ATP4A: variants seen among roughly 807,000 people sequenced by gnomAD.
ATP4A encodes the protein ATPase H+/K+ transporting subunit alpha, also known as potassium-transporting ATPase alpha chain 1.
ATP4A carries 73 observed loss-of-function variants against 112.1 expected under a neutral mutation model. The observed-to-expected ratio is 0.65, with a 90% CI of 0.54 to 0.79. The LOEUF (loss-of-function observed/expected upper bound fraction) is 0.79. Among genes scored for constraint, ATP4A ranks in the 30% least tolerant of loss-of-function variants. The pLI, the probability that ATP4A is intolerant of heterozygous loss-of-function variation, is 0.00. For missense variants in ATP4A, 1,081 were observed against 1,425.9 expected (o/e 0.76, Z 3.90); for synonymous variants, 588 against 588.9 (o/e 1.00, Z 0.02).
rs904563816 is a variant in ATP4A, at chr19:35,555,516, C to T, written c.2081G>A (p.Arg694His). ...MDPSELVEALRTHPEMVFART... is the reference protein window; with the variant it reads ...MDPSELVEALHTHPEMVFART... ...CGCAAACACCATCTCGGGGTGGGTG[C>T]GCAGGGCCTCGACCAGTTCCGATGG... The change falls in exon 14 of 22, where the codon CGC becomes CAC. Residue 694 changes from arginine (R) to histidine (H), a missense_variant. Physicochemically the swap from Arg to His is conservative, Grantham distance 29. Coordinates refer to ENST00000262623, the MANE Select transcript of ATP4A (RefSeq NM_000704.3). The surrounding 1 kb of genome is among the most constrained non-coding windows in gnomAD (Gnocchi z 6.6). 14 of 1,605,594 alleles carry T rather than the reference C, an allele frequency of 8.7e-6. No individual in the cohort carries two copies. The highest frequency in any genetic ancestry group is 1.1e-5 in the South Asian group (1 of 89,922).
intron 3 of ATP4A, 58 bp from the exon 4 acceptor site, chr19:35,562,696 C>T (rs776283132): frequency 8.1e-6 from 12 of 1,484,228 alleles, no homozygotes; most frequent in South Asian, 5.0e-5. Flanking sequence ...ATGCACACCC[C>T]GTGGAAAGCC....
rs917915637 is a variant in ATP4A at position 35,559,709 on chromosome 19, TAGAC to T, written c.1056+92_1056+95del. Reference sequence around the variant, plus strand: ...AATGGATGGGAGCTAAGTGGACAGATAGACAGGCAGGGAGGTGATGGGGGAAATG... The same window carrying T: ...AATGGATGGGAGCTAAGTGGACAGATAGGCAGGGAGGTGATGGGGGAAATG... On this transcript the variant is annotated intron_variant, in intron 7 of 21. Coordinates refer to ENST00000262623, the MANE Select transcript of ATP4A (RefSeq NM_000704.3). This position sits in a 1 kb window ranked among gnomAD's most constrained non-coding sequence, Gnocchi z 4.1. The T allele has an allele frequency of 4.0e-5, 60 of 1,506,468 alleles. No individual in the cohort carries two copies. Among genetic ancestry groups the T allele is most frequent in the Non-Finnish European group, 4.8e-5 (54 of 1,120,230 alleles). The allele number at this position is 1,506,468 out of a possible 1,614,324, so 93.3% of individuals were successfully genotyped here.
rs779669641 is a variant in ATP4A, at chr19:35,560,908, CA to C, written c.444del (p.Ile148MetfsTer57). 2.5e-6 allele frequency: 4 copies of C among 1,613,898 alleles called. No individual in the cohort carries two copies. The highest frequency in any genetic ancestry group is 3.4e-6 in the Non-Finnish European group (4 of 1,179,932). On this transcript the variant is annotated frameshift_variant, in exon 5 of 22. Coordinates refer to ENST00000262623, the MANE Select transcript of ATP4A (RefSeq NM_000704.3). LOFTEE classifies it high-confidence loss of function. This position sits in a 1 kb window ranked among gnomAD's most constrained non-coding sequence, Gnocchi z 5.1. ...DDNLYLAIAL[I>X]AVVVVTGCFG... ...AAGCAGCCGGTGACGACAACCACAG[CA>C]ATGAGAGCGATTGCCAGGTACAGCT... is the stretch of plus-strand genomic sequence containing the variant.
In ATP4A at chr19:35,557,614, TC is replaced by T. The variant is rs1313247154; in HGVS notation, c.1693+40del. 1 of 1,563,356 alleles carries T rather than the reference TC, an allele frequency of 6.4e-7. No individual in the cohort carries two copies. Among genetic ancestry groups the T allele is most frequent in the East Asian group, 2.3e-5 (1 of 42,708 alleles). ...GGTGGGCAGGGTCTGTGCTAGCTCC[TC>T]CTCGCACCTGGAGTCTCCTCCCCTG... On this transcript the variant is annotated intron_variant, in intron 11 of 21. Transcript: ENST00000262623. This position sits in a 1 kb window ranked among gnomAD's most constrained non-coding sequence, Gnocchi z 4.4.
At position 35,558,460 on chromosome 19, in the gene ATP4A, G is replaced by A; in HGVS notation, c.1402C>T (p.Leu468Phe). Reference sequence around the variant, plus strand: ...CCCAGCGTCAGCTCCGAGAACTTGAGCAGCGCCGTCTCCGATGCGTCTCCA... The same window carrying A: ...CCCAGCGTCAGCTCCGAGAACTTGAACAGCGCCGTCTCCGATGCGTCTCCA... ...VIGDASETALLKFSELTLGNA... is the reference protein window; with the variant it reads ...VIGDASETALFKFSELTLGNA... Residue 468 changes from leucine to phenylalanine, a missense_variant, in exon 10 of 22, where the codon CTC becomes TTC. Coordinates refer to ENST00000262623, the MANE Select transcript of ATP4A (RefSeq NM_000704.3). This position sits in a 1 kb window ranked among gnomAD's most constrained non-coding sequence, Gnocchi z 5.1. 6.2e-7 allele frequency: 1 copy of A among 1,602,274 alleles called. No individual in the cohort carries two copies. The highest frequency in any genetic ancestry group is 1.1e-5 in the South Asian group (1 of 89,140).
In ATP4A at chr19:35,551,612, A is replaced by G; in HGVS notation, c.2752-32T>C. On this transcript the variant is annotated intron_variant, in intron 18 of 21. Transcript: ENST00000262623. The surrounding 1 kb of genome is among the most constrained non-coding windows in gnomAD (Gnocchi z 5.2). ...GCCAGGGGCAAACGGAAACAGCCTG[A>G]GTCCAGCCTGAGTCCCGGCGGAGAG... 1 of 1,602,562 alleles carries G rather than the reference A, an allele frequency of 6.2e-7. No homozygotes were observed. Among genetic ancestry groups the G allele is most frequent in the Non-Finnish European group, 8.5e-7 (1 of 1,174,416 alleles).
At position 35,554,807 on chromosome 19, in the gene ATP4A, C is replaced by G. The variant is rs538229314; in HGVS notation, c.2481+115G>C. 13 of 1,443,358 alleles carry G rather than the reference C, an allele frequency of 9.0e-6. No individual in the cohort carries two copies. In the South Asian group the frequency reaches 1.4e-4, roughly 16 times the overall value. 89.4% of individuals were successfully genotyped at this position (1,443,358 alleles called of 1,614,324 possible). A position where few individuals can be genotyped will look rare whatever the true frequency, so the allele number is the denominator to read the frequency against. On this transcript the variant is annotated intron_variant, in intron 16 of 21. Transcript: ENST00000262623. ...ACTGGCTGTCATTGCACACACAGGT[C>G]TTGTCTGTCACTCTGTGCCCAAGAG...
intron 4 of ATP4A, among the ~76,000 whole-genome samples, chr19:35,561,692 T>C (rs2071671698): frequency 6.6e-6 from 1 of 151,924 alleles, no homozygotes; most frequent in Admixed American, 6.6e-5. Context: ...TCTCTGTGCT[T>C]CTATGTCTCA....
Position 35,551,937 on chromosome 19 carries a change from G to A in ATP4A, c.2752-357C>T, listed in dbSNP as rs1568312882. Among the ~76,000 whole-genome samples the A allele has an allele frequency of 6.6e-6, 1 of 152,194 alleles. No individual in the cohort carries two copies. On this transcript the variant is annotated intron_variant, in intron 18 of 21. Transcript: ENST00000262623. The surrounding 1 kb of genome is among the most constrained non-coding windows in gnomAD (Gnocchi z 5.2). ...GATTTGCAAAGTCCAGTGACTCCAG[G>A]GGCCAGGCAGATGGCAAAAATAGGT...
Position 35,559,827 on chromosome 19 carries a change from T to C in ATP4A, c.1034A>G (p.Glu345Gly), listed in dbSNP as rs1372084548. 4 of 1,614,032 alleles carry C rather than the reference T, an allele frequency of 2.5e-6. 1 individual carries two copies. Among genetic ancestry groups the C allele is most frequent in the South Asian group, 2.2e-5 (2 of 91,080 alleles). ...CACTGTGACAGTGGCCAGCAGCCCC[T>C]CAGGCACATAGGCCACCACGATGGC... ...FMAIVVAYVP[E>G]GLLATVTVCL... is the part of the protein sequence containing the mutation. The change falls in exon 7 of 22, where the codon GAG becomes GGG. Residue 345 changes from glutamate (E) to glycine (G), a missense_variant. By Grantham distance (98) the Glu-to-Gly change is moderately conservative. Around this residue, in one of 3 missense-constraint regions of ATP4A, gnomAD observed 850 missense variants for 1,068.2 expected, o/e 0.80. Transcript: ENST00000262623. The surrounding 1 kb of genome is among the most constrained non-coding windows in gnomAD (Gnocchi z 4.1).
Position 35,560,728 on chromosome 19 carries a change from A to G in ATP4A, c.534+91T>C. On this transcript the variant is annotated intron_variant, in intron 5 of 21. Coordinates refer to ENST00000262623, the MANE Select transcript of ATP4A (RefSeq NM_000704.3). The surrounding 1 kb of genome is among the most constrained non-coding windows in gnomAD (Gnocchi z 5.1). Reference sequence around the variant, plus strand: ...GGACCCATGGGGAGAGATGGAGGCCACAGATGAGGGACAGGGGCCTGATGG... The same window carrying G: ...GGACCCATGGGGAGAGATGGAGGCCGCAGATGAGGGACAGGGGCCTGATGG... 1.9e-6 allele frequency: 3 copies of G among 1,576,160 alleles called. No individual in the cohort carries two copies. Among genetic ancestry groups the G allele is most frequent in the Non-Finnish European group, 2.6e-6 (3 of 1,147,148 alleles).
In ATP4A at chr19:35,551,480, C is replaced by T. The variant is rs1173475811; in HGVS notation, c.2852G>A (p.Arg951His). The T allele has an allele frequency of 1.1e-5, 17 of 1,613,996 alleles. No individual in the cohort carries two copies. The highest frequency in any genetic ancestry group is 1.4e-5 in the Non-Finnish European group (16 of 1,180,030). ...QIADVLIRKTRRLSAFQQGFF... is the reference protein window; with the variant it reads ...QIADVLIRKTHRLSAFQQGFF... ...GCCTTGCTGGAAGGCAGAGAGACGG[C>T]GCGTCTTGCGGATGAGGACATCGGC... is the stretch of plus-strand genomic sequence containing the variant. Residue 951 changes from arginine to histidine, a missense_variant, in exon 19 of 22, where the codon CGC (arginine) becomes CAC (histidine). Physicochemically the swap from Arg to His is conservative, Grantham distance 29. Coordinates refer to ENST00000262623, the MANE Select transcript of ATP4A (RefSeq NM_000704.3). This position sits in a 1 kb window ranked among gnomAD's most constrained non-coding sequence, Gnocchi z 5.2.
At position 35,551,541 on chromosome 19, in the gene ATP4A, T is replaced by C. The variant is rs758266158; in HGVS notation, c.2791A>G (p.Thr931Ala). ...ACCTCAATGCTGATGAAGAACACGGTGTAGCAGGTGTACTGCTGGTACAGG... is the reference window on the plus strand; with the variant it reads ...ACCTCAATGCTGATGAAGAACACGGCGTAGCAGGTGTACTGCTGGTACAGG... ...QRLYQQYTCYTVFFISIEVCQ... is the reference protein window; with the variant it reads ...QRLYQQYTCYAVFFISIEVCQ... The change falls in exon 19 of 22, where the codon ACC becomes GCC. Residue 931 changes from threonine to alanine, a missense_variant. Thr to Ala is a moderately conservative substitution (Grantham distance 58, BLOSUM62 0). Around this residue, in one of 3 missense-constraint regions of ATP4A, gnomAD observed 219 missense variants for 320.9 expected, o/e 0.68. Transcript: ENST00000262623. The surrounding 1 kb of genome is among the most constrained non-coding windows in gnomAD (Gnocchi z 5.2). The C allele has an allele frequency of 1.9e-6, 3 of 1,613,832 alleles. No homozygotes were observed. The highest frequency in any genetic ancestry group is 2.5e-6 in the Non-Finnish European group (3 of 1,179,882).
In ATP4A at chr19:35,560,395, T is replaced by C; in HGVS notation, c.755A>G (p.Asn252Ser). The change falls in exon 6 of 22, where the codon AAC becomes AGC. Residue 252 changes from asparagine (N) to serine (S), a missense_variant. Coordinates refer to ENST00000262623, the MANE Select transcript of ATP4A (RefSeq NM_000704.3). This position sits in a 1 kb window ranked among gnomAD's most constrained non-coding sequence, Gnocchi z 5.1. ...GCACATGGTGGAGAAGAAGGCGATG[T>C]TGCGGGTCTCCAGAGGGCTCTCGTG... is the stretch of plus-strand genomic sequence containing the variant. Reference protein sequence around the residue: ...CTHESPLETRNIAFFSTMCLE... With the variant: ...CTHESPLETRSIAFFSTMCLE... 2 of 1,613,998 alleles carry C rather than the reference T, an allele frequency of 1.2e-6. No homozygotes were observed. Among genetic ancestry groups the C allele is most frequent in the Non-Finnish European group, 1.7e-6 (2 of 1,179,976 alleles).
In ATP4A at chr19:35,551,155, G is replaced by C. The variant is rs201059478; in HGVS notation, c.2886-44C>G. 3.9e-6 allele frequency: 6 copies of C among 1,546,698 alleles called. No individual in the cohort carries two copies. The Admixed American group carries it at 5.7e-5, about 15-fold the overall frequency. ...GGACAGGCCATTAGGAATTGGGGAC[G>C]TGATGGAAATCAGGATACTGTGGGT... On this transcript the variant is annotated intron_variant, in intron 19 of 21. Coordinates refer to ENST00000262623, the MANE Select transcript of ATP4A (RefSeq NM_000704.3). This position sits in a 1 kb window ranked among gnomAD's most constrained non-coding sequence, Gnocchi z 5.2.
At chr19:35,556,776 C>T (rs938680105) in intron 12 of ATP4A, 137 bp downstream of exon 12, 3 of 1,060,456 alleles carry the variant, frequency 2.8e-6, no homozygotes, top group African/African-American at 3.2e-5. Context: ...CTTAATTCCC[C>T]AGAATTTTTC....
chr19:35,560,133 G>A lies in ATP4A; in HGVS notation c.788-60C>T, dbSNP rs914286280. ...GGGCGGCAGTGGGGTGTGCACTGCC[G>A]TGTGAGCTGAAGGACAGCCAGTCAC... On this transcript the variant is annotated intron_variant, in intron 6 of 21. Coordinates refer to ENST00000262623, the MANE Select transcript of ATP4A (RefSeq NM_000704.3). This position sits in a 1 kb window ranked among gnomAD's most constrained non-coding sequence, Gnocchi z 5.1. The A allele has an allele frequency of 2.9e-5, 46 of 1,593,206 alleles. No individual in the cohort carries two copies. The highest frequency in any genetic ancestry group is 6.7e-5 in the South Asian group (6 of 89,034).
chr19:35,561,218 C>A (rs113457664), intron 4 of ATP4A, among the ~76,000 whole-genome samples: 81 of 152,176 alleles, frequency 5.3e-4, no homozygotes, highest in African/African-American at 1.9e-3. Context: ...GTGACTTGTG[C>A]CCCAAATCAC....
At position 35,553,143 on chromosome 19, in the gene ATP4A, G is replaced by T; in HGVS notation, c.2645C>A (p.Thr882Lys). 2 of 1,607,578 alleles carry T rather than the reference G, an allele frequency of 1.2e-6. No individual in the cohort carries two copies. The highest frequency in any genetic ancestry group is 1.7e-6 in the Non-Finnish European group (2 of 1,174,680). The change falls in exon 18 of 22, where the codon ACG becomes AAG. Residue 882 changes from threonine (T) to lysine (K), a missense_variant. Transcript: ENST00000262623. ...QSFAGFTDYF[T>K]AMAQEGWFPL... ...GAACCAGCCCTCCTGGGCCATTGCC[G>T]TGAAGTAGTCAGTGAAGCCAGCAAA...
Sources: allele counts gnomAD v4.1 joint callset (sites outside exome capture counted in the v4.1 genomes callset), GRCh38; gene constraint gnomAD v4.1.1; regional missense constraint gnomAD v4.1.1; non-coding constraint Gnocchi (gnomAD v3.1); transcripts MANE v1.5; gene names NCBI Gene and HGNC (gene_info 2026-07-23, HGNC 2026-07-21).